Variants in ERG observed in about 807,000 individuals in gnomAD.
ERG encodes ETS transcription factor ERG.
A neutral mutation model predicts 55.3 loss-of-function variants in ERG; 9 were observed. That is an observed-to-expected ratio of 0.16 (90% CI 0.10 to 0.28). The LOEUF is 0.28. Ranked by LOEUF, ERG falls within the 10% of genes least tolerant of loss-of-function variation. The pLI is 1.00. For missense variants in ERG, 434 were observed against 631.6 expected (o/e 0.69, Z 3.35); for synonymous variants, 223 against 237.3 (o/e 0.94, Z 0.55).
intron 2 of ERG, among the ~76,000 whole-genome samples, chr21:38,433,214 G>A (rs1340861895): frequency 1.3e-5 from 2 of 152,208 alleles, no homozygotes; most frequent in African/African-American, 4.8e-5. Context: ...ATTCTTAAGT[G>A]CAAAAGGAAA....
At chr21:38,442,184 T>C (rs760589962) in intron 2 of ERG, among the ~76,000 whole-genome samples, 2 of 152,056 alleles carry the variant, frequency 1.3e-5, no homozygotes, top group South Asian at 2.1e-4. Flanking sequence ...GATGGGTGGA[T>C]TGAGTTCGAG....
chr21:38,388,761 C>T (rs1490030357), intron 9 of ERG, among the ~76,000 whole-genome samples: 5 of 152,262 alleles, frequency 3.3e-5, no homozygotes, highest in Admixed American at 1.3e-4. Context: ...AAGCACAGTC[C>T]TCCTTCCCCA....
At chr21:38,630,306 G>T (rs2060349404) in intron 1 of ERG, among the ~76,000 whole-genome samples, 1 of 152,098 alleles carries the variant, frequency 6.6e-6, no homozygotes, top group Non-Finnish European at 1.5e-5. Flanking sequence ...TAATAATGGT[G>T]GCTTAAACCA....
chr21:38,590,845 A>G (rs1568935396), intron 1 of ERG, among the ~76,000 whole-genome samples: 1 of 152,248 alleles, frequency 6.6e-6, no homozygotes, highest in Non-Finnish European at 1.5e-5. Flanking sequence ...CACAAATGCC[A>G]ACTCCCCCAT....
intron 2 of ERG, among the ~76,000 whole-genome samples, chr21:38,543,558 A>T (rs2059768602): frequency 6.6e-6 from 1 of 152,130 alleles, no homozygotes; most frequent in African/African-American, 2.4e-5. Flanking sequence ...AGCATCCACT[A>T]TGGGCTGGGA....
At chr21:38,601,981 A>C (rs943323642) in intron 1 of ERG, among the ~76,000 whole-genome samples, 6 of 152,022 alleles carry the variant, frequency 3.9e-5, no homozygotes, top group African/African-American at 1.5e-4. Context: ...TCCCAGATTC[A>C]AGCAATCCTT....
Position 38,408,414 on chromosome 21 carries a change from A to G in ERG, c.389-4705T>C, listed in dbSNP as rs934956069. On this transcript the variant is annotated intron_variant, in intron 3 of 9. Transcript: ENST00000288319. The stretch of plus-strand genomic sequence containing the variant: ...AGCACCTTCTTGTGCCCTCACCTAC[A>G]CTCACGACCTCCTTTGGGCATCTGT... Among the ~76,000 whole-genome samples the G allele has an allele frequency of 6.7e-4, 102 of 152,152 alleles. 1 individual carries two copies. The highest frequency in any genetic ancestry group is 1.9e-3 in the African/African-American group (77 of 41,512).
upstream of ERG, among the ~76,000 whole-genome samples, chr21:38,501,782 A>G (rs1601146487): frequency 6.6e-6 from 1 of 152,176 alleles, no homozygotes; most frequent in East Asian, 1.9e-4. Flanking sequence ...TTTCCCTTGC[A>G]TGCTTCTCTG....
At chr21:38,426,955 A>G (rs1341508375) in intron 2 of ERG, among the ~76,000 whole-genome samples, 1 of 151,906 alleles carries the variant, frequency 6.6e-6, no homozygotes, top group Non-Finnish European at 1.5e-5. Flanking sequence ...TTATAGAAAC[A>G]GGGGACATTG....
chr21:38,563,353 T>C (rs371149847), intron 2 of ERG, among the ~76,000 whole-genome samples: 3 of 152,334 alleles, frequency 2.0e-5, no homozygotes, highest in East Asian at 1.9e-4. Context: ...CAGCCACCCA[T>C]GTGGGAAAAT....
At chr21:38,404,318 GTTT>G (rs1988656406) in intron 3 of ERG, among the ~76,000 whole-genome samples, 1 of 152,298 alleles carries the variant, frequency 6.6e-6, no homozygotes, top group African/African-American at 2.4e-5. Context: ...CCTGCAGGGT[GTTT>G]GGTTTTGCAA....
chr21:38,651,657 AC>A (rs1426017035), intron 1 of ERG, among the ~76,000 whole-genome samples: 1 of 152,110 alleles, frequency 6.6e-6, no homozygotes, highest in East Asian at 1.9e-4. Flanking sequence ...ATTTAAAACT[AC>A]CCTTGAAGTT....
intron 2 of ERG, among the ~76,000 whole-genome samples, chr21:38,424,793 G>A (rs935842791): frequency 2.6e-5 from 4 of 152,170 alleles, no homozygotes; most frequent in Middle Eastern, 3.2e-3. Flanking sequence ...GGAAGGGCAG[G>A]GAAGGGTGAG....
downstream of ERG, among the ~76,000 whole-genome samples, chr21:38,378,949 T>G (rs775583495): frequency 6.6e-6 from 1 of 152,150 alleles, no homozygotes; most frequent in Non-Finnish European, 1.5e-5. Flanking sequence ...GTAGGGGCAG[T>G]TGGAAGGAGT....
At chr21:38,554,082 C>G (rs116200180) in intron 2 of ERG, among the ~76,000 whole-genome samples, 1 of 152,084 alleles carries the variant, frequency 6.6e-6, no homozygotes, top group Non-Finnish European at 1.5e-5. Context: ...TATGAAAAAA[C>G]GCTCAACATC....
intron 1 of ERG, among the ~76,000 whole-genome samples, chr21:38,602,831 G>C (rs1202521646): frequency 6.6e-6 from 1 of 151,350 alleles, no homozygotes; most frequent in Non-Finnish European, 1.5e-5. Context: ...TTTACTCCTA[G>C]AACGCCAAGA....
At chr21:38,569,678 A>C (rs2059945292) in intron 2 of ERG, among the ~76,000 whole-genome samples, 1 of 152,202 alleles carries the variant, frequency 6.6e-6, no homozygotes, top group Non-Finnish European at 1.5e-5. Context: ...GGACCTCAGA[A>C]GCCCCTTATG....
chr21:38,423,435 G>T lies in ERG; in HGVS notation c.363C>A (p.Asn121Lys). ...KHMPPPNMTTNERRVIVPADP... is the reference protein window; with the variant it reads ...KHMPPPNMTTKERRVIVPADP... The stretch of plus-strand genomic sequence containing the variant: ...CTGCTGGCACGATAACTCTGCGCTC[G>T]TTCGTGGTCATGTTTGGGGGTGGCA... Residue 121 changes from asparagine to lysine, a missense_variant, in exon 3 of 10, where the codon AAC becomes AAA. Around this residue, in one of 5 missense-constraint regions of ERG, gnomAD observed 212 missense variants for 262.9 expected, o/e 0.81. Transcript: ENST00000288319. 1 of 1,613,914 alleles carries T rather than the reference G, an allele frequency of 6.2e-7. No homozygotes were observed. The highest frequency in any genetic ancestry group is 8.5e-7 in the Non-Finnish European group (1 of 1,179,888).
intron 3 of ERG, among the ~76,000 whole-genome samples, chr21:38,409,578 G>C (rs977215868): frequency 6.6e-6 from 1 of 151,992 alleles, no homozygotes; most frequent in Non-Finnish European, 1.5e-5. Context: ...AATGGGAAAG[G>C]CTTACCAGGA....
Sources: gnomAD v4.1 joint callset for allele counts (sites outside exome capture counted in the v4.1 genomes callset) on GRCh38, gnomAD v4.1.1 for gene constraint, gnomAD v4.1.1 regional missense constraint, MANE v1.5 for transcripts, NCBI Gene and HGNC (gene_info 2026-07-23, HGNC 2026-07-21) for gene names.